SEMA6D: variants seen among roughly 807,000 people sequenced by gnomAD.
The protein encoded by SEMA6D is semaphorin-6D.
SEMA6D carries 35 observed loss-of-function variants against 106.6 expected under a neutral mutation model. That is an observed-to-expected ratio of 0.33 (90% CI 0.25 to 0.44). The LOEUF (loss-of-function observed/expected upper bound fraction) is 0.44, where lower values mean the gene tolerates loss of function less well. SEMA6D is among the 20% of genes least tolerant of loss of function. The pLI is 1.00. For synonymous variants in SEMA6D, 499 were observed against 487.7 expected (o/e 1.02, Z -0.31); for missense variants, 1,185 against 1,345.9 (o/e 0.88, Z 1.87).
intron 1 of SEMA6D, among the ~76,000 whole-genome samples, chr15:47,392,617 C>T (rs2040076690): frequency 1.3e-5 from 2 of 152,224 alleles, no homozygotes; most frequent in South Asian, 4.1e-4. Context: ...AAAGGGAACA[C>T]AGCCCTGCTG....
chr15:47,552,843 A>AATATATATAAATATATATATTTAT (rs1566882655), intron 3 of SEMA6D, among the ~76,000 whole-genome samples: 2 of 79,098 alleles, frequency 2.5e-5, no homozygotes, highest in African/African-American at 1.5e-4. Context: ...TATATATATA[A>AATATATATAAATATATATATTTAT]ATATATATAA....
At position 47,519,222 on chromosome 15, in the gene SEMA6D, G is replaced by A. The variant is rs114961300; in HGVS notation, c.-87+48677G>A. On this transcript the variant is annotated intron_variant, in intron 3 of 19. Coordinates refer to the SEMA6D transcript ENST00000558014. ...CATTATCAAGTGTTATGTTCTACAC[G>A]TAATTGTATGCATTAGACTTTGTAC... Among the ~76,000 whole-genome samples the A allele has an allele frequency of 1.3e-3, 201 of 152,248 alleles. 1 individual carries two copies. Among genetic ancestry groups the A allele is most frequent in the African/African-American group, 4.6e-3 (193 of 41,526 alleles).
Position 47,426,991 on chromosome 15 carries a change from T to C in SEMA6D, c.-159+14519T>C, listed in dbSNP as rs558031281. Among the ~76,000 whole-genome samples, 8 of 152,288 alleles carry C rather than the reference T, an allele frequency of 5.3e-5. No homozygotes were observed. The East Asian group carries it at 1.5e-3, about 29-fold the overall frequency. ...TGCTTCTTTATATGGGTTAAACTAT[T>C]GTAAAAAGGAATGAATAAGTCAGGT... On this transcript the variant is annotated intron_variant, in intron 2 of 19. Coordinates refer to the SEMA6D transcript ENST00000558014.
At chr15:47,474,467 G>A (rs188766479) in intron 3 of SEMA6D, among the ~76,000 whole-genome samples, 1 of 152,174 alleles carries the variant, frequency 6.6e-6, no homozygotes, top group African/African-American at 2.4e-5. Context: ...CAAAGGGTAT[G>A]TGGCATTAAG....
intron 13 of SEMA6D, chr15:47,765,394 A>G: frequency 1.8e-6 from 2 of 1,102,688 alleles, no homozygotes; most frequent in Non-Finnish European, 1.1e-6. Context: ...ACACACACAA[A>G]TATACATGCA....
intron 1 of SEMA6D, among the ~76,000 whole-genome samples, chr15:47,286,938 C>T (rs2035389549): frequency 1.3e-5 from 2 of 152,262 alleles, no homozygotes; most frequent in South Asian, 4.1e-4. Context: ...CTATTCAACC[C>T]ATCAAGGTGT....
chr15:47,718,085 G>A (rs543166875), intron 1 of SEMA6D, among the ~76,000 whole-genome samples: 1 of 152,276 alleles, frequency 6.6e-6, no homozygotes, highest in African/African-American at 2.4e-5. Flanking sequence ...AAAGTTTCTT[G>A]CCAGGCAGAG....
intron 1 of SEMA6D, among the ~76,000 whole-genome samples, chr15:47,387,526 A>G (rs1483144012): frequency 3.3e-5 from 5 of 152,246 alleles, no homozygotes; most frequent in Non-Finnish European, 5.9e-5. Flanking sequence ...GTTTAAATGA[A>G]TAATGTTGAA....
At chr15:47,476,910 C>T (rs1275949271) in intron 3 of SEMA6D, among the ~76,000 whole-genome samples, 1 of 152,100 alleles carries the variant, frequency 6.6e-6, no homozygotes, top group Non-Finnish European at 1.5e-5. Context: ...TGTGTCAGTA[C>T]TTGAAGAAAC....
At chr15:47,348,710 CACACACACCA>C (rs1392892155) in intron 1 of SEMA6D, among the ~76,000 whole-genome samples, 9 of 94,878 alleles carry the variant, frequency 9.5e-5, no homozygotes, top group African/African-American at 4.9e-4. Context: ...CACACACACA[CACACACACCA>C]CACACACAGA....
intron 3 of SEMA6D, among the ~76,000 whole-genome samples, chr15:47,587,047 T>C (rs559887381): frequency 1.3e-3 from 200 of 152,178 alleles, no homozygotes; most frequent in Admixed American, 3.5e-3. Flanking sequence ...AGAGTTATTG[T>C]AGTATAGGAG....
chr15:47,373,283 A>G (rs1282640202), intron 1 of SEMA6D, among the ~76,000 whole-genome samples: 1 of 152,184 alleles, frequency 6.6e-6, no homozygotes, highest in Non-Finnish European at 1.5e-5. Context: ...TTTAGTAGAC[A>G]GGAGAGCTCC....
intron 4 of SEMA6D, among the ~76,000 whole-genome samples, chr15:47,706,496 A>G (rs2078914777): frequency 6.6e-6 from 1 of 152,238 alleles, no homozygotes; most frequent in Non-Finnish European, 1.5e-5. Flanking sequence ...ACAAATACTT[A>G]TATCTGTTTT....
chr15:47,554,585 A>G (rs1187624230), intron 3 of SEMA6D, among the ~76,000 whole-genome samples: 1 of 152,172 alleles, frequency 6.6e-6, no homozygotes, highest in Non-Finnish European at 1.5e-5. Flanking sequence ...GAGCACCTTT[A>G]TATTTGTCTC....
chr15:47,583,681 G>C (rs1343732363), intron 3 of SEMA6D, among the ~76,000 whole-genome samples: 2 of 152,172 alleles, frequency 1.3e-5, no homozygotes, highest in Non-Finnish European at 2.9e-5. Flanking sequence ...AGCTGTCAGT[G>C]ATGGCCCGCA....
chr15:47,495,986 C>A (rs1012205901), intron 3 of SEMA6D, among the ~76,000 whole-genome samples: 7 of 152,014 alleles, frequency 4.6e-5, no homozygotes, highest in African/African-American at 1.7e-4. Context: ...TATAGACACA[C>A]TTTTCACCTG....
chr15:47,245,326 TA>T (rs2033141370), intron 1 of SEMA6D, among the ~76,000 whole-genome samples: 1 of 152,176 alleles, frequency 6.6e-6, no homozygotes, highest in Admixed American at 6.5e-5. Context: ...CAGCAGTGTA[TA>T]AGTGTTCCCT....
chr15:47,257,231 G>A (rs1040848270), intron 1 of SEMA6D, among the ~76,000 whole-genome samples: 1 of 151,934 alleles, frequency 6.6e-6, no homozygotes, highest in African/African-American at 2.4e-5. Context: ...CTAATTTTTT[G>A]TATTTTTAGT....
intron 1 of SEMA6D, among the ~76,000 whole-genome samples, chr15:47,354,952 G>C (rs963410774): frequency 4.6e-5 from 7 of 152,184 alleles, no homozygotes; most frequent in Non-Finnish European, 7.3e-5. Context: ...CATCAGATGT[G>C]TTATGTAGTA....
Sources: gnomAD v4.1 joint callset for allele counts (sites outside exome capture counted in the v4.1 genomes callset) on GRCh38, gnomAD v4.1.1 for gene constraint, MANE v1.5 for transcripts, NCBI Gene and HGNC (gene_info 2026-07-23, HGNC 2026-07-21) for gene names.